PLCB1: variants seen among roughly 807,000 people sequenced by gnomAD.
PLCB1 encodes phospholipase C beta 1, also known as 1-phosphatidylinositol 4,5-bisphosphate phosphodiesterase beta-1.
Under a neutral mutation model 161.8 loss-of-function variants are expected in PLCB1, and 46 were observed. The ratio of observed to expected loss-of-function variants is 0.28; its 90% CI spans 0.22 to 0.36. The LOEUF (loss-of-function observed/expected upper bound fraction) is 0.36, where lower values mean the gene tolerates loss of function less well. Among genes scored for constraint, PLCB1 ranks in the 10% least tolerant of loss-of-function variants. The probability of loss-of-function intolerance (pLI) is 1.00; values close to 1 mark genes in which losing one functional copy is unlikely to be tolerated. For synonymous variants in PLCB1, 517 were observed against 503.7 expected (o/e 1.03, Z -0.35); for missense variants, 1,016 against 1,472.5 (o/e 0.69, Z 5.07).
chr20:8,220,901 A>G lies in PLCB1; in HGVS notation c.177+70530A>G, dbSNP rs371561743. 3.9e-5 allele frequency among the ~76,000 whole-genome samples: 6 copies of G among 152,262 alleles called. No individual in the cohort carries two copies. The East Asian group carries it at 5.8e-4, about 15-fold the overall frequency. Reference sequence around the variant, plus strand: ...TGCCTCGTGTCCTGGCATCAGTACAATTGGCCAGACCTTTATGGAAATAGA... The same window carrying G: ...TGCCTCGTGTCCTGGCATCAGTACAGTTGGCCAGACCTTTATGGAAATAGA... On this transcript the variant is annotated intron_variant, in intron 2 of 31. Coordinates refer to ENST00000338037, the MANE Select transcript of PLCB1 (RefSeq NM_015192.4).
Position 8,681,109 on chromosome 20 carries a change from TATATATATATA to T in PLCB1, c.863-3813_863-3803del, listed in dbSNP as rs1313393382. On this transcript the variant is annotated intron_variant, in intron 9 of 31. Coordinates refer to ENST00000338037, the MANE Select transcript of PLCB1 (RefSeq NM_015192.4). ...GTGTATATATATATATATATATATATATATATATATAATATATATAAAATCAGTGTCTCATA... is the reference window on the plus strand; with the variant it reads ...GTGTATATATATATATATATATATATATATATATAAAATCAGTGTCTCATA... Among the ~76,000 whole-genome samples the T allele has an allele frequency of 2.8e-3, 317 of 111,618 alleles. 1 individual carries two copies. Among genetic ancestry groups the T allele is most frequent in the African/African-American group, 0.012 (298 of 24,448 alleles). The allele number at this position is 111,618 out of a possible 152,430, so 73.2% of individuals were successfully genotyped here. A position where few individuals can be genotyped will look rare whatever the true frequency, so the allele number is the denominator to read the frequency against.
At chr20:8,466,620 A>G (rs979343523) in intron 3 of PLCB1, among the ~76,000 whole-genome samples, 16 of 152,130 alleles carry the variant, frequency 1.1e-4, no homozygotes, top group African/African-American at 3.1e-4. Context: ...AGGCAACATA[A>G]TGTTCTTCCC....
chr20:8,226,398 G>A (rs1979685605), intron 2 of PLCB1, among the ~76,000 whole-genome samples: 1 of 152,118 alleles, frequency 6.6e-6, no homozygotes. Flanking sequence ...TGAGCACACT[G>A]CCAGGAGGAA....
chr20:8,389,978 G>A (rs1413293457), intron 3 of PLCB1, among the ~76,000 whole-genome samples: 1 of 152,094 alleles, frequency 6.6e-6, no homozygotes, highest in East Asian at 1.9e-4. Flanking sequence ...TGAAAATAGA[G>A]ATTTTACACA....
intron 2 of PLCB1, among the ~76,000 whole-genome samples, chr20:8,225,659 A>G (rs1441228970): frequency 2.6e-5 from 4 of 152,212 alleles, no homozygotes; most frequent in African/African-American, 9.6e-5. Context: ...GCCAAGTGGC[A>G]GGCACAATGG....
At chr20:8,483,815 A>G (rs1381604028) in intron 3 of PLCB1, among the ~76,000 whole-genome samples, 1 of 152,218 alleles carries the variant, frequency 6.6e-6, no homozygotes, top group Admixed American at 6.5e-5. Context: ...TTCATTTCAT[A>G]ATGGATCGAA....
intron 2 of PLCB1, among the ~76,000 whole-genome samples, chr20:8,303,334 A>G (rs1354506709): frequency 6.6e-6 from 1 of 152,196 alleles, no homozygotes; most frequent in Non-Finnish European, 1.5e-5. Flanking sequence ...GCTAGTTCTT[A>G]AAACTACCAG....
chr20:8,859,528 T>G (rs1237360510), intron 31 of PLCB1, among the ~76,000 whole-genome samples: 1 of 152,198 alleles, frequency 6.6e-6, no homozygotes, highest in Non-Finnish European at 1.5e-5. Flanking sequence ...ATTGAATAAC[T>G]TTTCCTTCTA....
At chr20:8,192,418 A>G (rs6118097) in intron 2 of PLCB1, among the ~76,000 whole-genome samples, 5,097 of 152,076 alleles carry the variant, frequency 0.034, 291 homozygotes, top group African/African-American at 0.11. Flanking sequence ...TAAAGGACAG[A>G]TATCACTCAC....
Position 8,240,316 on chromosome 20 carries a change from ACAC to A in PLCB1, c.177+89946_177+89948del, listed in dbSNP as rs1298286778. Among the ~76,000 whole-genome samples, 12 of 151,618 alleles carry A rather than the reference ACAC, an allele frequency of 7.9e-5. No homozygotes were observed. The Admixed American group carries it at 7.9e-4, about 10-fold the overall frequency. ...CACACACACACACACGCACACACAC[ACAC>A]ATTTGCTTAATATGCAGTATTTAAT... On this transcript the variant is annotated intron_variant, in intron 2 of 31. Coordinates refer to ENST00000338037, the MANE Select transcript of PLCB1 (RefSeq NM_015192.4).
intron 13 of PLCB1, 130 bp from the exon 14 acceptor site, chr20:8,717,541 T>G: frequency 1.6e-6 from 1 of 618,234 alleles, no homozygotes; most frequent in Non-Finnish European, 2.8e-6. Context: ...ACACTAAGAG[T>G]TTAATGAGCA....
At chr20:8,735,099 G>A (rs1181430064) in intron 19 of PLCB1, among the ~76,000 whole-genome samples, 1 of 152,214 alleles carries the variant, frequency 6.6e-6, no homozygotes, top group Non-Finnish European at 1.5e-5. Flanking sequence ...TTTAATTCCT[G>A]TCAGGTGTGA....
At chr20:8,309,861 G>A (rs1308053135) in intron 2 of PLCB1, among the ~76,000 whole-genome samples, 3 of 152,114 alleles carry the variant, frequency 2.0e-5, no homozygotes, top group Non-Finnish European at 2.9e-5. Context: ...GGATTAGCAC[G>A]CTAGCCAATT....
rs559704988 is a variant in PLCB1, at chr20:8,397,634, T to C, written c.246+26184T>C. 3.9e-5 allele frequency among the ~76,000 whole-genome samples: 6 copies of C among 152,266 alleles called. No individual in the cohort carries two copies. The East Asian group carries it at 1.2e-3, about 29-fold the overall frequency. On this transcript the variant is annotated intron_variant, in intron 3 of 31. Transcript: ENST00000338037. ...CTCATCTCATTTAATAAAAAGTCCA[T>C]CTTTCCCCAGTGAATTGAGACACCA...
At chr20:8,866,495 C>T (rs984433622) in intron 31 of PLCB1, among the ~76,000 whole-genome samples, 1 of 152,172 alleles carries the variant, frequency 6.6e-6, no homozygotes, top group Non-Finnish European at 1.5e-5. Flanking sequence ...AATCGACCTG[C>T]ATGGTGTTTT....
chr20:8,591,676 GC>G (rs750680406), intron 3 of PLCB1, among the ~76,000 whole-genome samples: 60 of 152,266 alleles, frequency 3.9e-4, no homozygotes, highest in Non-Finnish European at 6.8e-4. Flanking sequence ...CACTGTAGGG[GC>G]CACGTGGGAA....
At chr20:8,151,679 GTT>G (rs1321993297) in intron 2 of PLCB1, among the ~76,000 whole-genome samples, 1 of 151,976 alleles carries the variant, frequency 6.6e-6, no homozygotes, top group Non-Finnish European at 1.5e-5. Flanking sequence ...TTTTTTGGGT[GTT>G]TTTTTCTTCT....
intron 2 of PLCB1, among the ~76,000 whole-genome samples, chr20:8,282,335 G>A (rs1160614773): frequency 6.6e-6 from 1 of 152,094 alleles, no homozygotes; most frequent in Non-Finnish European, 1.5e-5. Context: ...TTACCTCATT[G>A]GAGGACAAGG....
chr20:8,475,916 T>C (rs2122729406), intron 3 of PLCB1, among the ~76,000 whole-genome samples: 1 of 152,302 alleles, frequency 6.6e-6, no homozygotes, highest in East Asian at 1.9e-4. Flanking sequence ...ACAAAGACAG[T>C]ATCTAACACA....
Sources: allele counts gnomAD v4.1 joint callset (sites outside exome capture counted in the v4.1 genomes callset), GRCh38; gene constraint gnomAD v4.1.1; transcripts MANE v1.5; gene names NCBI Gene and HGNC (gene_info 2026-07-23, HGNC 2026-07-21).